The following EPB41L4A variants were observed in gnomAD, a reference collection of about 807,000 sequenced individuals.
EPB41L4A encodes the protein band 4.1-like protein 4A.
EPB41L4A carries 100 observed loss-of-function variants against 108.6 expected under a neutral mutation model. The ratio of observed to expected loss-of-function variants is 0.92; its 90% CI spans 0.78 to 1.09. The LOEUF (loss-of-function observed/expected upper bound fraction) is 1.09. EPB41L4A is among the 50% of genes least tolerant of loss of function. The pLI, the probability that EPB41L4A is intolerant of heterozygous loss-of-function variation, is 0.00. For missense variants in EPB41L4A, 1,030 were observed against 842.7 expected, an observed-to-expected ratio of 1.22 and a Z score of -2.75; for synonymous variants, 319 against 289.0, an observed-to-expected ratio of 1.10 and a Z score of -1.05.
intron 17 of EPB41L4A, among the ~76,000 whole-genome samples, chr5:112,189,958 TC>T (rs1160525868): frequency 1.3e-5 from 2 of 152,078 alleles, no homozygotes; most frequent in Non-Finnish European, 2.9e-5. Context: ...ACTTGCGAGG[TC>T]CTCCTTCATC....
chr5:112,291,495 G>T (rs1193742810), intron 2 of EPB41L4A, among the ~76,000 whole-genome samples: 2 of 152,190 alleles, frequency 1.3e-5, no homozygotes, highest in African/African-American at 4.8e-5. Flanking sequence ...TTGTTGAAAT[G>T]TTGGGAGTGT....
chr5:112,176,106 TG>T (rs1760848232), intron 18 of EPB41L4A, among the ~76,000 whole-genome samples: 1 of 152,062 alleles, frequency 6.6e-6, no homozygotes, highest in South Asian at 2.1e-4. Context: ...AACTAAGACC[TG>T]GGGGAACTTA....
At chr5:112,374,744 G>T (rs13355990) in intron 1 of EPB41L4A, among the ~76,000 whole-genome samples, 21,777 of 152,074 alleles carry the variant, frequency 0.14, 4,351 homozygotes, top group African/African-American at 0.45. Context: ...ATAAAAGATC[G>T]GTTTTGATTT....
At chr5:112,283,760 C>T (rs1322783789) in intron 2 of EPB41L4A, among the ~76,000 whole-genome samples, 1 of 152,102 alleles carries the variant, frequency 6.6e-6, no homozygotes, top group East Asian at 1.9e-4. Flanking sequence ...TGACTAACCT[C>T]GCACTCACAG....
At chr5:112,222,361 C>A (rs945345298) in intron 12 of EPB41L4A, among the ~76,000 whole-genome samples, 3 of 152,208 alleles carry the variant, frequency 2.0e-5, no homozygotes, top group African/African-American at 7.2e-5. Flanking sequence ...GCGCTTACTG[C>A]CTGTGTAATC....
Position 112,267,899 on chromosome 5 carries a change from A to G in EPB41L4A, c.336-1569T>C, listed in dbSNP as rs183310087. Among the ~76,000 whole-genome samples, 11 of 152,262 alleles carry G rather than the reference A, an allele frequency of 7.2e-5. No homozygotes were observed. The East Asian group carries it at 2.1e-3, about 29-fold the overall frequency. On this transcript the variant is annotated intron_variant, in intron 4 of 22. Coordinates refer to ENST00000261486, the MANE Select transcript of EPB41L4A (RefSeq NM_022140.5). ...CTTACTTCTGCTTACTTCTTGGGTCACTTCTTGCTGCTGATCAGTGACCAC... is the reference window on the plus strand; with the variant it reads ...CTTACTTCTGCTTACTTCTTGGGTCGCTTCTTGCTGCTGATCAGTGACCAC...
At chr5:112,268,572 G>C (rs960266787) in intron 4 of EPB41L4A, among the ~76,000 whole-genome samples, 1 of 151,840 alleles carries the variant, frequency 6.6e-6, no homozygotes, top group Non-Finnish European at 1.5e-5. Context: ...TTAAGACTTT[G>C]TGCACAGTGG....
At chr5:112,335,554 A>G (rs1259149090) in intron 1 of EPB41L4A, among the ~76,000 whole-genome samples, 1 of 152,178 alleles carries the variant, frequency 6.6e-6, no homozygotes. Flanking sequence ...AAATTACGCC[A>G]GTCAGACATT....
intron 12 of EPB41L4A, among the ~76,000 whole-genome samples, chr5:112,210,770 T>C (rs1392439523): frequency 6.6e-6 from 1 of 152,010 alleles, no homozygotes; most frequent in African/African-American, 2.4e-5. Flanking sequence ...CCAGTGTGCA[T>C]GTACCTCACT....
At chr5:112,311,184 A>C (rs973497286) in intron 1 of EPB41L4A, among the ~76,000 whole-genome samples, 5 of 152,106 alleles carry the variant, frequency 3.3e-5, no homozygotes, top group Admixed American at 6.5e-5. Context: ...TGAGGTACAA[A>C]ATAGGAACAT....
intron 13 of EPB41L4A, 68 bp downstream of exon 13, chr5:112,209,824 T>C: frequency 1.1e-6 from 1 of 926,092 alleles, no homozygotes; most frequent in South Asian, 1.5e-5. Context: ...TTTTTAACCT[T>C]GTCTACAGAA....
At chr5:112,385,742 A>G (rs139121115) in intron 1 of EPB41L4A, among the ~76,000 whole-genome samples, 2 of 152,098 alleles carry the variant, frequency 1.3e-5, no homozygotes, top group African/African-American at 4.8e-5. Context: ...GTCATATCCA[A>G]CCTCCCCAAT....
intron 1 of EPB41L4A, among the ~76,000 whole-genome samples, chr5:112,321,168 C>T (rs997373074): frequency 1.3e-5 from 2 of 152,072 alleles, no homozygotes; most frequent in African/African-American, 4.8e-5. Flanking sequence ...GGAGAGAACA[C>T]GACAAGAGTC....
At chr5:112,391,930 T>C (rs1444164430) in intron 1 of EPB41L4A, among the ~76,000 whole-genome samples, 2 of 152,142 alleles carry the variant, frequency 1.3e-5, no homozygotes, top group East Asian at 1.9e-4. Context: ...TCAACATTCT[T>C]AAAGAAAAGA....
chr5:112,364,785 T>A (rs1303292440), intron 1 of EPB41L4A, among the ~76,000 whole-genome samples: 1 of 152,246 alleles, frequency 6.6e-6, no homozygotes, highest in African/African-American at 2.4e-5. Context: ...TATTTCCCAG[T>A]TCATAATTTG....
chr5:112,218,647 T>G (rs922261714), intron 12 of EPB41L4A, among the ~76,000 whole-genome samples: 1 of 152,330 alleles, frequency 6.6e-6, no homozygotes, highest in East Asian at 1.9e-4. Flanking sequence ...TTGATGCAAT[T>G]TTAATAGTAA....
intron 15 of EPB41L4A, among the ~76,000 whole-genome samples, chr5:112,201,432 C>T (rs1762214178): frequency 6.6e-6 from 1 of 152,142 alleles, no homozygotes; most frequent in South Asian, 2.1e-4. Context: ...AGTGTATATG[C>T]TGCAAACTAT....
intron 1 of EPB41L4A, among the ~76,000 whole-genome samples, chr5:112,367,845 G>A: frequency 6.7e-6 from 1 of 148,590 alleles, no homozygotes; most frequent in East Asian, 1.9e-4. Flanking sequence ...ACTGAACTCA[G>A]TACCCGGCTG....
At chr5:112,394,128 A>G (rs1761160839) in intron 1 of EPB41L4A, among the ~76,000 whole-genome samples, 5 of 152,240 alleles carry the variant, frequency 3.3e-5, no homozygotes, top group South Asian at 2.1e-4. Context: ...CCCACAGCCA[A>G]TATCATACTG....
Sources: gnomAD v4.1 joint callset for allele counts (sites outside exome capture counted in the v4.1 genomes callset) on GRCh38, gnomAD v4.1.1 for gene constraint, MANE v1.5 for transcripts, NCBI Gene and HGNC (gene_info 2026-07-23, HGNC 2026-07-21) for gene names.